Variants in ARHGAP15 observed in about 807,000 individuals in gnomAD.
ARHGAP15 encodes Rho GTPase activating protein 15, also known as rho GTPase-activating protein 15.
A neutral mutation model predicts 63.7 loss-of-function variants in ARHGAP15; 51 were observed. That is an observed-to-expected ratio of 0.80 (90% CI 0.64 to 1.01). The LOEUF (loss-of-function observed/expected upper bound fraction) is 1.01, where lower values mean the gene tolerates loss of function less well. ARHGAP15 is among the 50% of genes least tolerant of loss of function. The pLI is 0.00. For missense variants in ARHGAP15, 560 were observed against 564.6 expected, an observed-to-expected ratio of 0.99 and a Z score of 0.08; for synonymous variants, 191 against 193.8, an observed-to-expected ratio of 0.99 and a Z score of 0.12.
intron 1 of ARHGAP15, among the ~76,000 whole-genome samples, chr2:143,136,234 T>C (rs867682709): frequency 6.6e-6 from 1 of 152,270 alleles, no homozygotes; most frequent in South Asian, 2.1e-4. Flanking sequence ...AAATATAAAC[T>C]TACTTTTCAT....
At chr2:143,369,973 T>C (rs1287594667) in intron 6 of ARHGAP15, among the ~76,000 whole-genome samples, 1 of 152,170 alleles carries the variant, frequency 6.6e-6, no homozygotes, top group Non-Finnish European at 1.5e-5. Context: ...CTAAAACGCA[T>C]GCTCACTTCC....
At chr2:143,204,599 G>A (rs970269898) in intron 3 of ARHGAP15, among the ~76,000 whole-genome samples, 4 of 152,062 alleles carry the variant, frequency 2.6e-5, no homozygotes, top group Admixed American at 6.6e-5. Context: ...GTTTTAAGGG[G>A]AAACAAACAT....
At chr2:143,682,487 CAT>C (rs894736799) in intron 12 of ARHGAP15, among the ~76,000 whole-genome samples, 2 of 152,212 alleles carry the variant, frequency 1.3e-5, no homozygotes, top group African/African-American at 4.8e-5. Context: ...TACATATATA[CAT>C]ATATACACAT....
intron 1 of ARHGAP15, among the ~76,000 whole-genome samples, chr2:143,150,677 C>T (rs76617263): frequency 0.025 from 3,828 of 152,096 alleles, 81 homozygotes; most frequent in East Asian, 0.12. Context: ...ATCTCAAACA[C>T]ATGCAAAATG....
intron 12 of ARHGAP15, among the ~76,000 whole-genome samples, chr2:143,658,009 A>C (rs1681546488): frequency 6.6e-6 from 1 of 152,228 alleles, no homozygotes; most frequent in South Asian, 2.1e-4. Flanking sequence ...CGGCCACATC[A>C]GTTCCTTCAG....
intron 11 of ARHGAP15, among the ~76,000 whole-genome samples, chr2:143,606,055 A>AAAAAAAAAAAAAAAAAAAAAAAAAAAAAC: frequency 7.4e-6 from 1 of 135,304 alleles, no homozygotes; most frequent in Non-Finnish European, 1.6e-5. Flanking sequence ...AAAAAAAAAA[A>AAAAAAAAAAAAAAAAAAAAAAAAAAAAAC]AAAAAAAAAA....
intron 10 of ARHGAP15, among the ~76,000 whole-genome samples, chr2:143,545,536 T>TA (rs1695293617): frequency 6.6e-6 from 1 of 152,122 alleles, no homozygotes; most frequent in Admixed American, 6.5e-5. Context: ...TCTTGTTAAA[T>TA]AAAAGTTGGC....
chr2:143,673,758 GTATATATATATA>G (rs70982879), intron 12 of ARHGAP15, among the ~76,000 whole-genome samples: 3 of 22,116 alleles, frequency 1.4e-4, no homozygotes, highest in Admixed American at 8.3e-4. Context: ...GTGTGTGTGT[GTATATATATATA>G]TATATATATA....
rs558364098 is a variant in ARHGAP15 at position 143,550,442 on chromosome 2, G to A, written c.926-5966G>A. Among the ~76,000 whole-genome samples, 5 of 152,298 alleles carry A rather than the reference G, an allele frequency of 3.3e-5. No homozygotes were observed. In the East Asian group the frequency reaches 9.6e-4, roughly 29 times the overall value. Reference sequence around the variant, plus strand: ...AACAACGGAATACAAGAGAAGGAGGGTAGTTGATGCTGACCTAGAGCCGCA... The same window carrying A: ...AACAACGGAATACAAGAGAAGGAGGATAGTTGATGCTGACCTAGAGCCGCA... On this transcript the variant is annotated intron_variant, in intron 10 of 13. Transcript: ENST00000295095.
chr2:143,346,936 A>G (rs1439868046), intron 6 of ARHGAP15, among the ~76,000 whole-genome samples: 1 of 152,078 alleles, frequency 6.6e-6, no homozygotes, highest in Non-Finnish European at 1.5e-5. Flanking sequence ...TATGATCTCT[A>G]CAATTTGCTT....
At chr2:143,343,368 CA>C (rs1685143057) in intron 6 of ARHGAP15, among the ~76,000 whole-genome samples, 2 of 151,900 alleles carry the variant, frequency 1.3e-5, no homozygotes, top group South Asian at 4.2e-4. Context: ...GGGAATTTGG[CA>C]GGGGGTGGGG....
intron 12 of ARHGAP15, among the ~76,000 whole-genome samples, chr2:143,659,628 T>C (rs911565883): frequency 3.5e-4 from 53 of 152,164 alleles, no homozygotes; most frequent in Non-Finnish European, 7.6e-4. Flanking sequence ...GCAGTATCCC[T>C]TCCAAGCCAC....
intron 9 of ARHGAP15, among the ~76,000 whole-genome samples, chr2:143,500,278 A>G (rs1692997465): frequency 6.6e-6 from 1 of 150,840 alleles, no homozygotes; most frequent in South Asian, 2.1e-4. Context: ...TTATATATGA[A>G]GAACTTTATA....
chr2:143,467,242 C>CTTTTT (rs202115707), intron 8 of ARHGAP15, among the ~76,000 whole-genome samples: 52 of 57,880 alleles, frequency 9.0e-4, no homozygotes, highest in African/African-American at 2.9e-3. Context: ...ACTCCATGGC[C>CTTTTT]TTTTTTTTTT....
intron 6 of ARHGAP15, among the ~76,000 whole-genome samples, chr2:143,368,901 G>A (rs902247032): frequency 7.2e-5 from 11 of 152,058 alleles, no homozygotes; most frequent in African/African-American, 2.7e-4. Flanking sequence ...CCTTATGACA[G>A]TGATTACCTA....
At chr2:143,380,832 CAA>C (rs1432176985) in intron 6 of ARHGAP15, among the ~76,000 whole-genome samples, 1 of 152,024 alleles carries the variant, frequency 6.6e-6, no homozygotes, top group African/African-American at 2.4e-5. Flanking sequence ...AATTAGGAAA[CAA>C]TGATGAAAAG....
chr2:143,173,416 T>C (rs1008471055), intron 2 of ARHGAP15, among the ~76,000 whole-genome samples: 2 of 152,110 alleles, frequency 1.3e-5, no homozygotes, highest in African/African-American at 4.8e-5. Context: ...TATTTTGTAC[T>C]TTTAACTTTC....
intron 2 of ARHGAP15, among the ~76,000 whole-genome samples, chr2:143,160,800 A>G (rs983471808): frequency 6.6e-6 from 1 of 151,912 alleles, no homozygotes; most frequent in Non-Finnish European, 1.5e-5. Context: ...TGCTGTGAAA[A>G]TCTTTAACTC....
intron 12 of ARHGAP15, among the ~76,000 whole-genome samples, chr2:143,641,785 A>G (rs1028238623): frequency 6.6e-6 from 1 of 152,140 alleles, no homozygotes; most frequent in African/African-American, 2.4e-5. Flanking sequence ...AATTTGTAGA[A>G]GGACTTTTGG....
Sources: gnomAD v4.1 joint callset for allele counts (sites outside exome capture counted in the v4.1 genomes callset) on GRCh38, gnomAD v4.1.1 for gene constraint, MANE v1.5 for transcripts, NCBI Gene and HGNC (gene_info 2026-07-23, HGNC 2026-07-21) for gene names.